Variants in GALNT15 observed in about 807,000 individuals in gnomAD.
GALNT15 encodes UDP-GalNAc transferase T15.
In GALNT15, 67 loss-of-function variants were observed where a neutral mutation model predicts 66.8. The observed-to-expected ratio is 1.00, with a 90% confidence interval of 0.82 to 1.23. The LOEUF (loss-of-function observed/expected upper bound fraction) is 1.23, where lower values mean the gene tolerates loss of function less well. GALNT15 is among the 50% of genes most tolerant of loss of function. The probability of loss-of-function intolerance (pLI) is 0.00; values close to 1 mark genes in which losing one functional copy is unlikely to be tolerated. For missense variants in GALNT15, 827 were observed against 804.3 expected, an observed-to-expected ratio of 1.03 and a Z score of -0.34; for synonymous variants, 313 against 311.5, an observed-to-expected ratio of 1.00 and a Z score of -0.05.
chr3:16,229,411 A>G lies in GALNT15; in HGVS notation c.*1911A>G. ...CACTACCCACCTGTGGCTAGGGTCTACTTCTACTGTATTGGCGAGCATGGA... is the reference window on the plus strand; with the variant it reads ...CACTACCCACCTGTGGCTAGGGTCTGCTTCTACTGTATTGGCGAGCATGGA... On this transcript the variant is annotated 3_prime_UTR_variant, in exon 10 of 10. Transcript: ENST00000339732. 1.1e-6 allele frequency: 1 copy of G among 875,962 alleles called. No individual in the cohort carries two copies. The highest frequency in any genetic ancestry group is 1.4e-6 in the Non-Finnish European group (1 of 730,280). 54.3% of individuals were successfully genotyped at this position (875,962 alleles called of 1,614,324 possible).
intron 3 of GALNT15, among the ~76,000 whole-genome samples, chr3:16,201,618 C>T (rs557572369): frequency 1.3e-5 from 2 of 152,248 alleles, no homozygotes; most frequent in Admixed American, 6.5e-5. Context: ...TTTGTTTCCC[C>T]AGTTTATATA....
Position 16,203,543 on chromosome 3 carries a change from T to A in GALNT15, c.911+2720T>A, listed in dbSNP as rs6765582. On this transcript the variant is annotated intron_variant, in intron 3 of 9. Coordinates refer to ENST00000339732, the MANE Select transcript of GALNT15 (RefSeq NM_054110.5). The surrounding 1 kb of genome is among the most constrained non-coding windows in gnomAD (Gnocchi z 6.2). ...CATTCTCTCTCTCTCTCTCTCTCTCTCACACACACACACACACACACACAC... is the reference window on the plus strand; with the variant it reads ...CATTCTCTCTCTCTCTCTCTCTCTCACACACACACACACACACACACACAC... 0.1 allele frequency among the ~76,000 whole-genome samples: 6,315 copies of A among 60,682 alleles called. 334 individuals carry two copies. The highest frequency in any genetic ancestry group is 0.23 in the East Asian group (403 of 1,754). The allele number at this position is 60,682 out of a possible 152,430, so 39.8% of individuals were successfully genotyped here.
chr3:16,228,293 G>A lies in GALNT15; in HGVS notation c.*793G>A. On this transcript the variant is annotated 3_prime_UTR_variant, in exon 10 of 10. Transcript: ENST00000339732. ...AATCGATTTCTCTTTAGTCGTTGGT[G>A]TTAGAAGTACCAGCACAATTTGAGC... The A allele has an allele frequency of 2.0e-6, 2 of 985,826 alleles. No homozygotes were observed. The highest frequency in any genetic ancestry group is 2.3e-4 in the East Asian group (2 of 8,810). The allele number at this position is 985,826 out of a possible 1,614,324, so 61.1% of individuals were successfully genotyped here.
At chr3:16,222,041 GT>G (rs2063947950) in intron 8 of GALNT15, among the ~76,000 whole-genome samples, 2 of 152,196 alleles carry the variant, frequency 1.3e-5, no homozygotes, top group Non-Finnish European at 2.9e-5. Context: ...GTAGAAATGG[GT>G]TCAGGCTGCA....
chr3:16,242,679 C>A, the GALNT15 span, among the ~76,000 whole-genome samples: 1 of 151,872 alleles, frequency 6.6e-6, no homozygotes, highest in African/African-American at 2.4e-5. This position sits in a 1 kb window ranked among gnomAD's most constrained non-coding sequence, Gnocchi z 5.6. Flanking sequence ...CTCAGGAGGC[C>A]GAGGCAAGAA....
At chr3:16,236,053 C>T (rs182758748), downstream of GALNT15, among the ~76,000 whole-genome samples, 272 of 127,528 alleles carry the variant, frequency 2.1e-3, 1 homozygote, top group Middle Eastern at 5.9e-3. Context: ...TGGAGTGAGC[C>T]GAGATCACAC....
At chr3:16,205,912 G>C (rs2063751433) in intron 3 of GALNT15, among the ~76,000 whole-genome samples, 1 of 152,112 alleles carries the variant, frequency 6.6e-6, no homozygotes, top group Non-Finnish European at 1.5e-5. Flanking sequence ...AGAGGAAAAA[G>C]AAGATTTCAG....
At chr3:16,247,453 A>G in the GALNT15 span, among the ~76,000 whole-genome samples, 5 of 152,244 alleles carry the variant, frequency 3.3e-5, no homozygotes, top group African/African-American at 1.2e-4. Context: ...GTCTGCATTG[A>G]GCGCCGCAGC....
intron 3 of GALNT15, among the ~76,000 whole-genome samples, chr3:16,202,440 C>G (rs2063713615): frequency 6.6e-6 from 1 of 152,198 alleles, no homozygotes; most frequent in Non-Finnish European, 1.5e-5. Flanking sequence ...CGAGACCAGC[C>G]TGGCCAACAT....
downstream of GALNT15, chr3:16,231,784 C>G: frequency 1.3e-6 from 2 of 1,533,072 alleles, no homozygotes; most frequent in Non-Finnish European, 1.7e-6. The surrounding 1 kb of genome is among the most constrained non-coding windows in gnomAD (Gnocchi z 4.1). Flanking sequence ...CTCTCTCCTT[C>G]TCTCTCAGGA....
At chr3:16,198,790 T>G (rs9841472) in intron 2 of GALNT15, among the ~76,000 whole-genome samples, 2,645 of 141,652 alleles carry the variant, frequency 0.019, 440 homozygotes, top group African/African-American at 0.064. Flanking sequence ...CCATGGTGCT[T>G]AGAAGACAGA....
the GALNT15 span, among the ~76,000 whole-genome samples, chr3:16,241,660 C>T: frequency 4.2e-4 from 64 of 152,168 alleles, no homozygotes; most frequent in Non-Finnish European, 7.8e-4. The surrounding 1 kb of genome is among the most constrained non-coding windows in gnomAD (Gnocchi z 4.6). Flanking sequence ...GCGATTCTGC[C>T]GCCTCAGCCT....
chr3:16,232,023 G>A, downstream of GALNT15: 18 of 1,372,982 alleles, frequency 1.3e-5, no homozygotes, highest in Non-Finnish European at 1.7e-5. Context: ...AACTTGCCCA[G>A]ATGCACCAAT....
chr3:16,199,512 C>T (rs1401929538), intron 2 of GALNT15, among the ~76,000 whole-genome samples: 2 of 142,314 alleles, frequency 1.4e-5, no homozygotes, highest in African/African-American at 5.2e-5. Flanking sequence ...CTTCCTTGAC[C>T]ACTGTCTTAG....
chr3:16,204,034 G>A lies in GALNT15; in HGVS notation c.911+3211G>A, dbSNP rs1220385448. ...ACACAGTGCCCAAAAGACAGAAAAGGGTCTTTAAGAGCTCTTATAAAAAAA... is the reference window on the plus strand; with the variant it reads ...ACACAGTGCCCAAAAGACAGAAAAGAGTCTTTAAGAGCTCTTATAAAAAAA... On this transcript the variant is annotated intron_variant, in intron 3 of 9. Coordinates refer to ENST00000339732, the MANE Select transcript of GALNT15 (RefSeq NM_054110.5). This position sits in a 1 kb window ranked among gnomAD's most constrained non-coding sequence, Gnocchi z 4.5. 1.3e-5 allele frequency among the ~76,000 whole-genome samples: 2 copies of A among 151,910 alleles called. No individual in the cohort carries two copies. The highest frequency in any genetic ancestry group is 4.8e-5 in the African/African-American group (2 of 41,304).
At chr3:16,226,682 C>T (rs2064023451) in intron 9 of GALNT15, among the ~76,000 whole-genome samples, 1 of 152,180 alleles carries the variant, frequency 6.6e-6, no homozygotes, top group South Asian at 2.1e-4. Flanking sequence ...AATTACAATT[C>T]AACATGAGAT....
intron 3 of GALNT15, among the ~76,000 whole-genome samples, chr3:16,202,665 G>T (rs1377224983): frequency 6.6e-6 from 1 of 152,132 alleles, no homozygotes; most frequent in African/African-American, 2.4e-5. Context: ...GCCCTCCAAA[G>T]CTGCCATTTT....
chr3:16,225,521 C>A lies in GALNT15; in HGVS notation c.1774-1833C>A, dbSNP rs1321982393. Among the ~76,000 whole-genome samples, 3 of 149,046 alleles carry A rather than the reference C, an allele frequency of 2.0e-5. No individual in the cohort carries two copies. The highest frequency in any genetic ancestry group is 3.0e-5 in the Non-Finnish European group (2 of 67,364). The stretch of plus-strand genomic sequence containing the variant: ...ACCAGCCTGGCCAATATGGTGAAAC[C>A]CCGTTTCTACTAAAAACACAAAAAC... On this transcript the variant is annotated intron_variant, in intron 9 of 9. Transcript: ENST00000339732. This position sits in a 1 kb window ranked among gnomAD's most constrained non-coding sequence, Gnocchi z 4.4.
downstream of GALNT15, among the ~76,000 whole-genome samples, chr3:16,232,329 GC>G (rs1245854209): frequency 2.6e-5 from 4 of 151,560 alleles, no homozygotes; most frequent in East Asian, 7.8e-4. Flanking sequence ...ACTTTGGGAG[GC>G]CAAGACAGGA....
Sources: gnomAD v4.1 joint callset for allele counts (sites outside exome capture counted in the v4.1 genomes callset) on GRCh38, gnomAD v4.1.1 for gene constraint, Gnocchi (gnomAD v3.1) non-coding constraint, MANE v1.5 for transcripts, NCBI Gene and HGNC (gene_info 2026-07-23, HGNC 2026-07-21) for gene names.